The following CACNA1B variants were observed in gnomAD, a reference collection of about 807,000 sequenced individuals.
The protein encoded by CACNA1B is calcium voltage-gated channel subunit alpha1 B, also known as voltage-dependent N-type calcium channel subunit alpha-1B.
A neutral mutation model predicts 247.2 loss-of-function variants in CACNA1B; 70 were observed. The observed-to-expected ratio is 0.28, with a 90% confidence interval of 0.23 to 0.35. The LOEUF is 0.35. Ranked by LOEUF, CACNA1B falls within the 10% of genes least tolerant of loss-of-function variation. The pLI is 1.00. For synonymous variants in CACNA1B, 1,231 were observed against 1,294.4 expected, an observed-to-expected ratio of 0.95 and a Z score of 1.05; for missense variants, 2,367 against 3,197.4, an observed-to-expected ratio of 0.74 and a Z score of 6.26.
Position 138,051,690 on chromosome 9 carries a change from G to A in CACNA1B, c.3711-402G>A, listed in dbSNP as rs1329832135. 6.6e-6 allele frequency among the ~76,000 whole-genome samples: 1 copy of A among 152,064 alleles called. No individual in the cohort carries two copies. Among genetic ancestry groups the A allele is most frequent in the African/African-American group, 2.4e-5 (1 of 41,396 alleles). ...TACCTCCCTCTAGCCAGCCCAAAAAGCAAGGAAAAAAGCCCTTCCAGAAGA... is the reference window on the plus strand; with the variant it reads ...TACCTCCCTCTAGCCAGCCCAAAAAACAAGGAAAAAAGCCCTTCCAGAAGA... On this transcript the variant is annotated intron_variant, in intron 24 of 46. Transcript: ENST00000371372. The surrounding 1 kb of genome is among the most constrained non-coding windows in gnomAD (Gnocchi z 4.3).
Position 137,913,358 on chromosome 9 carries a change from T to G in CACNA1B, c.622+87T>G. ...CCACGGACATGGCCATGGCCATGGT[T>G]TGGCTTTGGTGACTCTGAGCTTGCC... On this transcript the variant is annotated intron_variant, in intron 4 of 46. Transcript: ENST00000371372. This position sits in a 1 kb window ranked among gnomAD's most constrained non-coding sequence, Gnocchi z 5.2. 9.4e-7 allele frequency: 1 copy of G among 1,062,286 alleles called. No individual in the cohort carries two copies. Among genetic ancestry groups the G allele is most frequent in the Non-Finnish European group, 1.4e-6 (1 of 708,934 alleles). 65.8% of individuals were successfully genotyped at this position (1,062,286 alleles called of 1,614,324 possible). A position where few individuals can be genotyped will look rare whatever the true frequency, so the allele number is the denominator to read the frequency against.
intron 3 of CACNA1B, among the ~76,000 whole-genome samples, chr9:137,884,964 C>CA (rs1374665098): frequency 7.3e-5 from 8 of 109,128 alleles, no homozygotes; most frequent in Non-Finnish European, 1.0e-4. Context: ...TCTTCCCCCC[C>CA]CCCCTCCTCC....
chr9:138,044,366 C>T (rs1959167488), intron 21 of CACNA1B, among the ~76,000 whole-genome samples: 1 of 152,260 alleles, frequency 6.6e-6, no homozygotes, highest in Non-Finnish European at 1.5e-5. Flanking sequence ...GTTTCTGTGG[C>T]AGACAGCACT....
At position 137,894,342 on chromosome 9, in the gene CACNA1B, C is replaced by T. The variant is rs143609145; in HGVS notation, c.530+11459C>T. Among the ~76,000 whole-genome samples the T allele has an allele frequency of 4.8e-3, 625 of 129,966 alleles. 10 individuals carry two copies. The highest frequency in any genetic ancestry group is 0.018 in the African/African-American group (589 of 32,514). 85.3% of individuals were successfully genotyped at this position (129,966 alleles called of 152,430 possible). On this transcript the variant is annotated intron_variant, in intron 3 of 46. Coordinates refer to ENST00000371372, the MANE Select transcript of CACNA1B (RefSeq NM_000718.4). ...TTTTTTTTGATTCTGATAGATATGT[C>T]GTGATCGTTGTGGCTTTGATCTGCA...
intron 23 of CACNA1B, among the ~76,000 whole-genome samples, chr9:138,048,613 G>A (rs915530773): frequency 2.0e-5 from 3 of 152,170 alleles, no homozygotes; most frequent in South Asian, 2.1e-4. Context: ...TGCACATAAC[G>A]TGTGCACTCA....
chr9:138,061,260 GTGGCCACCA>G (rs771843905), intron 31 of CACNA1B, among the ~76,000 whole-genome samples: 115 of 152,292 alleles, frequency 7.6e-4, no homozygotes, highest in Non-Finnish European at 1.2e-3. Context: ...AAGTGACCAG[GTGGCCACCA>G]TGGCTTTGGT....
At chr9:137,965,569 T>C (rs1003276350) in intron 10 of CACNA1B, among the ~76,000 whole-genome samples, 10 of 148,186 alleles carry the variant, frequency 6.7e-5, no homozygotes, top group African/African-American at 2.5e-4. Context: ...GTAGTCCTAC[T>C]TCATTTTATT....
In CACNA1B at chr9:138,054,770, C is replaced by T. The variant is rs1423979724; in HGVS notation, c.3968+764C>T. On this transcript the variant is annotated intron_variant, in intron 26 of 46. Transcript: ENST00000371372. This position sits in a 1 kb window ranked among gnomAD's most constrained non-coding sequence, Gnocchi z 4.6. ...TGCCAGGCCCTTGTGTAAAATTACACTCTCTCCAGCGTAGATGAGAGCCCC... is the reference window on the plus strand; with the variant it reads ...TGCCAGGCCCTTGTGTAAAATTACATTCTCTCCAGCGTAGATGAGAGCCCC... Among the ~76,000 whole-genome samples, 1 of 152,230 alleles carries T rather than the reference C, an allele frequency of 6.6e-6. No individual in the cohort carries two copies. The highest frequency in any genetic ancestry group is 1.5e-5 in the Non-Finnish European group (1 of 68,052).
At chr9:137,960,659 T>C (rs1462747376) in intron 10 of CACNA1B, among the ~76,000 whole-genome samples, 1 of 151,850 alleles carries the variant, frequency 6.6e-6, no homozygotes, top group Non-Finnish European at 1.5e-5. Context: ...GGAGAACGTC[T>C]TGGAGGCCAG....
chr9:138,043,993 C>T (rs764331408), intron 21 of CACNA1B, 93 bp downstream of exon 21: 44 of 1,483,342 alleles, frequency 3.0e-5, no homozygotes, highest in South Asian at 1.5e-4. Flanking sequence ...ACTGATTCTG[C>T]GCACTTATGT....
intron 1 of CACNA1B, 35 bp downstream of exon 1, chr9:137,878,252 G>GGGGCCGGGCC (rs1956863741): frequency 8.4e-7 from 1 of 1,195,712 alleles, no homozygotes; most frequent in Admixed American, 4.2e-5. Flanking sequence ...GGGGCCGGGC[G>GGGGCCGGGCC]GGGACCGGGG....
chr9:138,033,813 C>A (rs534135275), intron 20 of CACNA1B, among the ~76,000 whole-genome samples: 1 of 152,092 alleles, frequency 6.6e-6, no homozygotes, highest in African/African-American at 2.4e-5. Context: ...ATAGGGGAAA[C>A]CACCCCCATG....
chr9:137,929,987 G>A (rs1009297058), intron 6 of CACNA1B, among the ~76,000 whole-genome samples: 3 of 151,958 alleles, frequency 2.0e-5, no homozygotes, highest in African/African-American at 7.3e-5. Flanking sequence ...TGTAGAGGTG[G>A]GGTCTTGCTA....
At chr9:137,937,947 C>CAAAAAAAAAAAAAAA (rs57680122) in intron 6 of CACNA1B, among the ~76,000 whole-genome samples, 1 of 21,924 alleles carries the variant, frequency 4.6e-5, no homozygotes, top group Non-Finnish European at 9.2e-5. Flanking sequence ...AACTCTGTCT[C>CAAAAAAAAAAAAAAA]AAAAAAAAAA....
In CACNA1B at chr9:138,058,369, CAG is replaced by C. The variant is rs1253788129; in HGVS notation, c.4308+120_4308+121del. Reference sequence around the variant, plus strand: ...CTTTGGCTGCCACCGTCTGCCAACACAGGGGCAGGTCCTCCTTTCTCCTGCAG... The same window carrying C: ...CTTTGGCTGCCACCGTCTGCCAACACGGGCAGGTCCTCCTTTCTCCTGCAG... On this transcript the variant is annotated intron_variant, in intron 28 of 46. Coordinates refer to ENST00000371372, the MANE Select transcript of CACNA1B (RefSeq NM_000718.4). The surrounding 1 kb of genome is among the most constrained non-coding windows in gnomAD (Gnocchi z 4.7). The C allele has an allele frequency of 3.9e-6, 4 of 1,013,000 alleles. No individual in the cohort carries two copies. Among genetic ancestry groups the C allele is most frequent in the African/African-American group, 1.6e-5 (1 of 63,208 alleles). The allele number at this position is 1,013,000 out of a possible 1,614,324, so 62.8% of individuals were successfully genotyped here.
At chr9:137,904,819 T>C (rs1957279741) in intron 3 of CACNA1B, among the ~76,000 whole-genome samples, 1 of 152,172 alleles carries the variant, frequency 6.6e-6, no homozygotes, top group African/African-American at 2.4e-5. Context: ...ATCTATTTTT[T>C]TCCTTATTTC....
chr9:138,120,663 C>G lies in CACNA1B; in HGVS notation c.6271C>G (p.Pro2091Ala). Residue 2091 changes from proline (P) to alanine (A), a missense_variant, in exon 46 of 47, where the codon CCG (proline) becomes GCG (alanine). By Grantham distance (27) the Pro-to-Ala change is conservative. Around this residue, in one of 12 missense-constraint regions of CACNA1B, gnomAD observed 773 missense variants for 779.4 expected, o/e 0.99. Coordinates refer to ENST00000371372, the MANE Select transcript of CACNA1B (RefSeq NM_000718.4). ...PSSAVGPGLP[P>A]GEGPTGCRRE... ...CAGTGCTGTGGGGCCGGGGCTGCCC[C>G]CGGGAGAGGGGCCTACAGGCTGCCG... The G allele has an allele frequency of 1.3e-6, 2 of 1,509,492 alleles. No homozygotes were observed. Among genetic ancestry groups the G allele is most frequent in the Non-Finnish European group, 1.8e-6 (2 of 1,134,980 alleles). 93.5% of individuals were successfully genotyped at this position (1,509,492 alleles called of 1,614,324 possible).
chr9:137,939,685 C>T (rs201879618), intron 6 of CACNA1B, among the ~76,000 whole-genome samples: 1 of 151,816 alleles, frequency 6.6e-6, no homozygotes, highest in Non-Finnish European at 1.5e-5. Flanking sequence ...CACCTGTAGT[C>T]CCAGCTACTC....
At chr9:137,940,029 A>T (rs1417051359) in intron 6 of CACNA1B, among the ~76,000 whole-genome samples, 1 of 151,950 alleles carries the variant, frequency 6.6e-6, no homozygotes, top group Non-Finnish European at 1.5e-5. Flanking sequence ...AGAAACAAGA[A>T]CAAATCAAAC....
Sources: allele counts gnomAD v4.1 joint callset (sites outside exome capture counted in the v4.1 genomes callset), GRCh38; gene constraint gnomAD v4.1.1; regional missense constraint gnomAD v4.1.1; non-coding constraint Gnocchi (gnomAD v3.1); transcripts MANE v1.5; gene names NCBI Gene and HGNC (gene_info 2026-07-23, HGNC 2026-07-21).